The following ID4 variants were observed in gnomAD, a reference collection of about 807,000 sequenced individuals.
The protein encoded by ID4 is DNA-binding protein inhibitor ID-4.
Under a neutral mutation model 8.6 loss-of-function variants are expected in ID4, and 9 were observed. The ratio of observed to expected loss-of-function variants is 1.04; its 90% confidence interval spans 0.63 to 1.82. The LOEUF is 1.82. ID4 is among the 40% of genes most tolerant of loss of function. The probability of loss-of-function intolerance (pLI) is 0.00; values close to 1 mark genes in which losing one functional copy is unlikely to be tolerated. For synonymous variants in ID4, 180 were observed against 118.0 expected, an observed-to-expected ratio of 1.53 and a Z score of -3.41; for missense variants, 270 against 235.1, an observed-to-expected ratio of 1.15 and a Z score of -0.97.
Position 19,838,069 on chromosome 6 carries a change from G to A in ID4, c.315G>A (p.Gln105=), listed in dbSNP as rs1204510934. 6.2e-6 allele frequency: 10 copies of A among 1,606,630 alleles called. No homozygotes were observed. The highest frequency in any genetic ancestry group is 8.5e-6 in the Non-Finnish European group (10 of 1,176,496). ...QHVIDYILDL[Q]LALETHPALL... ...TTATCGACTACATCCTGGACCTGCA[G>A]CTGGCGCTGGAGACGCACCCGGCCC... Residue 105 remains glutamine, a synonymous_variant, in exon 1 of 3, where the codon CAG becomes CAA. Coordinates refer to ENST00000378700, the MANE Select transcript of ID4 (RefSeq NM_001546.4).
chr6:19,838,849 C>A, intron 2 of ID4: 2 of 579,114 alleles, frequency 3.5e-6, no homozygotes, highest in Admixed American at 3.1e-5. Flanking sequence ...TCGGTGGAGA[C>A]GGGTCAGCCC....
In ID4 at chr6:19,840,915, T is replaced by G. The variant is rs1212757968; in HGVS notation, c.*1720T>G. ...CTTTGTAAATAGTCAACTGTGTGTA[T>G]AACGTGGTCTGTTTGATTTTTAAAA... On this transcript the variant is annotated 3_prime_UTR_variant, in exon 3 of 3. Coordinates refer to ENST00000378700, the MANE Select transcript of ID4 (RefSeq NM_001546.4). 6.6e-6 allele frequency among the ~76,000 whole-genome samples: 1 copy of G among 152,176 alleles called. No homozygotes were observed. Among genetic ancestry groups the G allele is most frequent in the Non-Finnish European group, 1.5e-5 (1 of 68,022 alleles).
At position 19,840,428 on chromosome 6, in the gene ID4, T is replaced by G. The variant is rs932726588; in HGVS notation, c.*1233T>G. 2 of 152,542 alleles carry G rather than the reference T, an allele frequency of 1.3e-5. No individual in the cohort carries two copies. Among genetic ancestry groups the G allele is most frequent in the Admixed American group, 1.3e-4 (2 of 15,274 alleles). The allele number at this position is 152,542 out of a possible 1,614,324, so 9.4% of individuals were successfully genotyped here. A position where few individuals can be genotyped will look rare whatever the true frequency, so the allele number is the denominator to read the frequency against. ...GACAAACTCTTGGAAATGAACACTT[T>G]CTGCTTTCCTTCCTCCAAAGAATTA... On this transcript the variant is annotated 3_prime_UTR_variant, in exon 3 of 3. Coordinates refer to ENST00000378700, the MANE Select transcript of ID4 (RefSeq NM_001546.4).
rs1345452773 is a variant in ID4 at position 19,840,666 on chromosome 6, T to C, written c.*1471T>C. The C allele has an allele frequency of 6.6e-6, 1 of 152,480 alleles. No individual in the cohort carries two copies. The highest frequency in any genetic ancestry group is 2.1e-4 in the South Asian group (1 of 4,836). 9.4% of individuals were successfully genotyped at this position (152,480 alleles called of 1,614,324 possible). On this transcript the variant is annotated 3_prime_UTR_variant, in exon 3 of 3. Transcript: ENST00000378700. ...TAACTTTTACATGTGAATATTAAAG[T>C]AGATTTCTCTGTCTTGTACTGTGAT...
At position 19,837,775 on chromosome 6, in the gene ID4, G is replaced by T; in HGVS notation, c.21G>T (p.Val7=). Residue 7 remains valine (V), a synonymous_variant, in exon 1 of 3, where the codon GTG becomes GTT. Coordinates refer to ENST00000378700, the MANE Select transcript of ID4 (RefSeq NM_001546.4). The part of the protein sequence containing the change: MKAVSP[V]RPSGRKAPSG... ...GCGCGATGAAGGCGGTGAGCCCGGT[G>T]CGCCCCTCGGGCCGCAAGGCGCCGT... is the stretch of plus-strand genomic sequence containing the variant. The T allele has an allele frequency of 8.9e-7, 1 of 1,127,084 alleles. No individual in the cohort carries two copies. Among genetic ancestry groups the T allele is most frequent in the South Asian group, 4.3e-5 (1 of 23,362 alleles). 69.8% of individuals were successfully genotyped at this position (1,127,084 alleles called of 1,614,324 possible).
rs1400513375 is a variant in ID4 at position 19,840,176 on chromosome 6, TTTG to T, written c.*984_*986del. On this transcript the variant is annotated 3_prime_UTR_variant, in exon 3 of 3. Transcript: ENST00000378700. ...AATATATACAGAGTAAGTGTTTGTT[TTTG>T]TTTTTCAACTGAGGTCAAAATGGAT... 6.5e-5 allele frequency: 10 copies of T among 152,730 alleles called. No individual in the cohort carries two copies. The highest frequency in any genetic ancestry group is 2.2e-4 in the African/African-American group (9 of 41,568). 9.5% of individuals were successfully genotyped at this position (152,730 alleles called of 1,614,324 possible).
chr6:19,839,184 C>G (rs41271299), intron 2 of ID4, 26 bp from the exon 3 acceptor site: 2 of 156,742 alleles, frequency 1.3e-5, no homozygotes, highest in African/African-American at 2.4e-5. Flanking sequence ...GTTCACACAC[C>G]CCCTCTATTC....
rs1240100122 is a variant in ID4, at chr6:19,838,190, G to A, written c.436G>A (p.Asp146Asn). ...GACCCCGCTCACTGCGCTCAACACC[G>A]ACCCGGTGAGAGGCCGGGCGCCGGC... ...PRTPLTALNT[D>N]PAGAVNKQGD... The change falls in exon 1 of 3, where the codon GAC becomes AAC. Residue 146 changes from aspartate (D) to asparagine (N), a missense_variant. Physicochemically the swap from Asp to Asn is conservative, Grantham distance 23 (BLOSUM62 1). Coordinates refer to ENST00000378700, the MANE Select transcript of ID4 (RefSeq NM_001546.4). 1 of 1,389,566 alleles carries A rather than the reference G, an allele frequency of 7.2e-7. No individual in the cohort carries two copies. The highest frequency in any genetic ancestry group is 9.3e-7 in the Non-Finnish European group (1 of 1,075,490). The allele number at this position is 1,389,566 out of a possible 1,614,324, so 86.1% of individuals were successfully genotyped here.
In ID4 at chr6:19,841,051, G is replaced by T. The variant is rs1048048793; in HGVS notation, c.*1856G>T. 6.6e-6 allele frequency among the ~76,000 whole-genome samples: 1 copy of T among 152,176 alleles called. No individual in the cohort carries two copies. The stretch of plus-strand genomic sequence containing the variant: ...TGAATATGAAATACCATGGTCCCTA[G>T]TAGTCAGTTGAAGTGGCAATGTCTA... On this transcript the variant is annotated 3_prime_UTR_variant, in exon 3 of 3. Transcript: ENST00000378700.
In ID4 at chr6:19,839,935, G is replaced by C. The variant is rs1761323699; in HGVS notation, c.*740G>C. ...TTGAATGTCTTTTCTGTTTGGCCTG[G>C]CTCTTAATTTGCTTTTGTTTTGCCC... On this transcript the variant is annotated 3_prime_UTR_variant, in exon 3 of 3. Coordinates refer to ENST00000378700, the MANE Select transcript of ID4 (RefSeq NM_001546.4). The C allele has an allele frequency of 6.6e-6, 1 of 151,864 alleles. No homozygotes were observed. Among genetic ancestry groups the C allele is most frequent in the Non-Finnish European group, 1.5e-5 (1 of 67,958 alleles). The allele number at this position is 151,864 out of a possible 1,614,324, so 9.4% of individuals were successfully genotyped here.
chr6:19,838,365 T>C (rs1425255373), intron 1 of ID4, among the ~76,000 whole-genome samples, 170 bp downstream of exon 1: 1 of 151,906 alleles, frequency 6.6e-6, no homozygotes, highest in East Asian at 2.0e-4. Flanking sequence ...CCGGCCGGGC[T>C]CGGCGAGCGC....
At chr6:19,838,227 GC>G in intron 1 of ID4, 32 bp downstream of exon 1, 1 of 1,327,514 alleles carries the variant, frequency 7.5e-7, no homozygotes, top group South Asian at 2.2e-5. Flanking sequence ...GTGGGCGGAC[GC>G]CGCGGGGGAT....
Position 19,837,825 on chromosome 6 carries a change from C to T in ID4, c.71C>T (p.Ala24Val). 4.4e-6 allele frequency: 5 copies of T among 1,148,442 alleles called. No homozygotes were observed. In the Admixed American group the frequency reaches 1.5e-4, roughly 33 times the overall value. The allele number at this position is 1,148,442 out of a possible 1,614,324, so 71.1% of individuals were successfully genotyped here. Residue 24 changes from alanine to valine, a missense_variant, in exon 1 of 3, where the codon GCG becomes GTG. Physicochemically the swap from Ala to Val is moderately conservative, Grantham distance 64. Around this residue, in one of 3 missense-constraint regions of ID4, gnomAD observed 160 missense variants for 131.5 expected, o/e 1.22. Transcript: ENST00000378700. ...TCGGGCTGCGGCGGCGGGGAGCTGGCGCTGCGCTGCCTGGCCGAGCACGGC... is the reference window on the plus strand; with the variant it reads ...TCGGGCTGCGGCGGCGGGGAGCTGGTGCTGCGCTGCCTGGCCGAGCACGGC... ...APSGCGGGELALRCLAEHGHS... is the reference protein window; with the variant it reads ...APSGCGGGELVLRCLAEHGHS...
chr6:19,838,244 GTTGGTGGC>G (rs1187681255), intron 1 of ID4, 49 bp downstream of exon 1: 2 of 1,311,590 alleles, frequency 1.5e-6, no homozygotes, highest in Non-Finnish European at 1.9e-6. Context: ...GGGATGGGAG[GTTGGTGGC>G]GTGGTGGCGG....
Position 19,837,967 on chromosome 6 carries a change from C to G in ID4, c.213C>G (p.Cys71Trp). 4 of 1,581,016 alleles carry G rather than the reference C, an allele frequency of 2.5e-6. No individual in the cohort carries two copies. The highest frequency in any genetic ancestry group is 3.4e-6 in the Non-Finnish European group (4 of 1,164,252). ...GCCTGCAGTGCGATATGAACGACTGCTATAGCCGCCTGCGGAGGCTGGTGC... is the reference window on the plus strand; with the variant it reads ...GCCTGCAGTGCGATATGAACGACTGGTATAGCCGCCTGCGGAGGCTGGTGC... ...ALCLQCDMND[C>W]YSRLRRLVPT... Residue 71 changes from cysteine (C) to tryptophan (W), a missense_variant, in exon 1 of 3, where the codon TGC becomes TGG. This residue lies in a region of ID4 where 160 missense variants were observed against 131.5 expected (regional missense o/e 1.22). Transcript: ENST00000378700.
intron 2 of ID4, 31 bp downstream of exon 2, chr6:19,838,673 G>A (rs768755217): frequency 1.5e-5 from 24 of 1,600,178 alleles, no homozygotes; most frequent in East Asian, 2.3e-5. Context: ...TCGGGTGGCC[G>A]GTCACCAGAG....
At position 19,841,133 on chromosome 6, in the gene ID4, A is replaced by G. The variant is rs1357094885; in HGVS notation, c.*1938A>G. On this transcript the variant is annotated 3_prime_UTR_variant, in exon 3 of 3. Coordinates refer to ENST00000378700, the MANE Select transcript of ID4 (RefSeq NM_001546.4). Reference sequence around the variant, plus strand: ...TTAAAATCAATCAAAATGTTTAAAAATTGATTCTGTCCTCAGCATGTTATT... The same window carrying G: ...TTAAAATCAATCAAAATGTTTAAAAGTTGATTCTGTCCTCAGCATGTTATT... 2.6e-5 allele frequency among the ~76,000 whole-genome samples: 4 copies of G among 152,344 alleles called. No homozygotes were observed. In the South Asian group the frequency reaches 8.3e-4, roughly 32 times the overall value.
In ID4 at chr6:19,838,783, C is replaced by T. The variant is rs977287328; in HGVS notation, c.*14+141C>T. On this transcript the variant is annotated intron_variant, in intron 2 of 2. Transcript: ENST00000378700. ...CCAAGGAAGTAAATCCCCTCTCTCC[C>T]TGCCACCTAAGTAGCAAGTAAACCC... The T allele has an allele frequency of 1.5e-5, 10 of 670,704 alleles. No individual in the cohort carries two copies. The East Asian group carries it at 1.7e-4, about 11-fold the overall frequency. 41.5% of individuals were successfully genotyped at this position (670,704 alleles called of 1,614,324 possible).
Position 19,837,726 on chromosome 6 carries a change from T to C in ID4, c.-29T>C. The C allele has an allele frequency of 9.0e-7, 1 of 1,113,794 alleles. No individual in the cohort carries two copies. Among genetic ancestry groups the C allele is most frequent in the Non-Finnish European group, 1.1e-6 (1 of 912,298 alleles). The allele number at this position is 1,113,794 out of a possible 1,614,324, so 69.0% of individuals were successfully genotyped here. ...GCCTCCCTCGCTCGCCCCAGCGGGTTCGCTCGCGTAGAGCGCAGGGCGCGC... is the reference window on the plus strand; with the variant it reads ...GCCTCCCTCGCTCGCCCCAGCGGGTCCGCTCGCGTAGAGCGCAGGGCGCGC... On this transcript the variant is annotated 5_prime_UTR_variant, in exon 1 of 3. Transcript: ENST00000378700.
Sources: gnomAD v4.1 joint callset for allele counts (sites outside exome capture counted in the v4.1 genomes callset) on GRCh38, gnomAD v4.1.1 for gene constraint, gnomAD v4.1.1 regional missense constraint, MANE v1.5 for transcripts, NCBI Gene and HGNC (gene_info 2026-07-23, HGNC 2026-07-21) for gene names.